Variants in CAPN13 observed in about 807,000 individuals in gnomAD.
CAPN13 encodes the protein calpain 13.
Under a neutral mutation model 98.4 loss-of-function variants are expected in CAPN13, and 90 were observed. The ratio of observed to expected loss-of-function variants is 0.92; its 90% CI spans 0.77 to 1.09. The LOEUF (loss-of-function observed/expected upper bound fraction) is 1.09. Among genes scored for constraint, CAPN13 ranks in the 50% least tolerant of loss-of-function variants. The probability of loss-of-function intolerance (pLI) is 0.00; values close to 1 mark genes in which losing one functional copy is unlikely to be tolerated. For synonymous variants in CAPN13, 330 were observed against 305.5 expected (o/e 1.08, Z -0.84); for missense variants, 887 against 841.3 (o/e 1.05, Z -0.67).
At chr2:30,804,431 G>A (rs1675483544) in intron 1 of CAPN13, among the ~76,000 whole-genome samples, 1 of 152,154 alleles carries the variant, frequency 6.6e-6, no homozygotes, top group Non-Finnish European at 1.5e-5. Context: ...TCGAACTCCT[G>A]ACCTCAGGCA....
At chr2:30,740,391 C>A (rs1671597617) in intron 15 of CAPN13, among the ~76,000 whole-genome samples, 2 of 152,210 alleles carry the variant, frequency 1.3e-5, no homozygotes, top group Admixed American at 6.5e-5. Context: ...CCGTGCCCGG[C>A]AACCATTGTA....
intron 6 of CAPN13, among the ~76,000 whole-genome samples, chr2:30,763,855 T>C (rs764690900): frequency 1.3e-5 from 2 of 152,242 alleles, no homozygotes; most frequent in Non-Finnish European, 2.9e-5. Context: ...CGCAGCAGCA[T>C]TGGAAGACTT....
intron 2 of CAPN13, among the ~76,000 whole-genome samples, chr2:30,778,689 G>C (rs1438707031): frequency 6.6e-6 from 1 of 152,192 alleles, no homozygotes; most frequent in Non-Finnish European, 1.5e-5. Flanking sequence ...ACACTAAGGG[G>C]AAAACGAAGG....
chr2:30,790,584 G>C (rs554158082), intron 1 of CAPN13, among the ~76,000 whole-genome samples: 4 of 152,208 alleles, frequency 2.6e-5, no homozygotes, highest in Non-Finnish European at 5.9e-5. Context: ...TGGTGTCTAC[G>C]AAACGAGCTT....
chr2:30,780,691 G>A (rs1399662044), intron 2 of CAPN13, among the ~76,000 whole-genome samples: 3 of 152,176 alleles, frequency 2.0e-5, no homozygotes, highest in Admixed American at 1.3e-4. Flanking sequence ...CATCAAAGGT[G>A]GGCACAAAAG....
At position 30,764,282 on chromosome 2, in the gene CAPN13, C is replaced by G. The variant is rs753166997; in HGVS notation, c.549G>C (p.Leu183=). 2.5e-5 allele frequency: 40 copies of G among 1,613,682 alleles called. No individual in the cohort carries two copies. Among genetic ancestry groups the G allele is most frequent in the Non-Finnish European group, 3.4e-5 (40 of 1,179,838 alleles). The change falls in exon 6 of 23, where the codon CTG becomes CTC. Residue 183 remains leucine (L), a synonymous_variant. Transcript: ENST00000295055. ...GGGCATCCTCGAGGAAGCCATAGTG[C>G]AGATCGGAATAGGATCCGAGCAGCC... ...YAKLLGSYSD[L]HYGFLEDALV...
At chr2:30,776,819 C>CCACAAA (rs1673721007) in intron 3 of CAPN13, among the ~76,000 whole-genome samples, 1 of 152,158 alleles carries the variant, frequency 6.6e-6, no homozygotes, top group Non-Finnish European at 1.5e-5. Context: ...AGTACAGAAG[C>CCACAAA]CACAAAGATG....
intron 7 of CAPN13, among the ~76,000 whole-genome samples, chr2:30,760,044 C>A (rs1247929073): frequency 6.6e-6 from 1 of 152,108 alleles, no homozygotes; most frequent in Non-Finnish European, 1.5e-5. Flanking sequence ...CCCTGTCTGC[C>A]CTACCCTAAG....
intron 21 of CAPN13, 136 bp from the exon 22 acceptor site, chr2:30,730,922 C>T (rs1671049781): frequency 2.9e-6 from 2 of 697,734 alleles, no homozygotes; most frequent in Non-Finnish European, 5.3e-6. Context: ...CCAACCCAAG[C>T]AGGGTACGGG....
chr2:30,796,214 ACATATATATGTATATATATATGTGTG>A (rs1438559805), intron 1 of CAPN13, among the ~76,000 whole-genome samples: 2 of 109,518 alleles, frequency 1.8e-5, no homozygotes, highest in Non-Finnish European at 4.2e-5. Context: ...ATATATATAC[ACATATATATGTATATATATATGTGTG>A]CATATATATA....
At position 30,730,930 on chromosome 2, in the gene CAPN13, G is replaced by A. The variant is rs538393830; in HGVS notation, c.1984-144C>T. 2.8e-4 allele frequency: 187 copies of A among 668,730 alleles called. No homozygotes were observed. The African/African-American group carries it at 3.0e-3, about 11-fold the overall frequency. 41.4% of individuals were successfully genotyped at this position (668,730 alleles called of 1,614,324 possible). On this transcript the variant is annotated intron_variant, in intron 21 of 22. Transcript: ENST00000295055. ...GCTAATTCCAACCCAAGCAGGGTAC[G>A]GGGCGGGGTTGTCTCACAGCACATC...
intron 3 of CAPN13, among the ~76,000 whole-genome samples, chr2:30,776,266 C>G (rs990694882): frequency 2.6e-5 from 4 of 152,176 alleles, no homozygotes; most frequent in African/African-American, 9.6e-5. Flanking sequence ...GAGTCTCGCT[C>G]TGTAGCCCAG....
chr2:30,726,113 G>A (rs148891485), intron 22 of CAPN13, among the ~76,000 whole-genome samples: 8 of 152,274 alleles, frequency 5.3e-5, no homozygotes, highest in East Asian at 1.9e-4. Context: ...TAGGTGTTTC[G>A]CTTTGTGCTA....
chr2:30,736,826 G>T (rs1439236384), intron 17 of CAPN13, among the ~76,000 whole-genome samples: 1 of 152,228 alleles, frequency 6.6e-6, no homozygotes, highest in Non-Finnish European at 1.5e-5. Flanking sequence ...GCATCTGAGG[G>T]AAGAGAGGGG....
At chr2:30,743,294 G>C (rs1045612016) in intron 13 of CAPN13, 89 bp downstream of exon 13, 4 of 1,151,340 alleles carry the variant, frequency 3.5e-6, no homozygotes, top group East Asian at 2.3e-5. Flanking sequence ...CAGGCTGCAC[G>C]AATGCACAGA....
At chr2:30,775,839 C>T (rs1055109392) in intron 4 of CAPN13, 91 bp downstream of exon 4, 2 of 793,456 alleles carry the variant, frequency 2.5e-6, no homozygotes, top group African/African-American at 3.5e-5. Flanking sequence ...TCATCTCAGG[C>T]TTCCCGGCCA....
rs374488271 is a variant in CAPN13 at position 30,753,013 on chromosome 2, G to C, written c.1087+40C>G. 11 of 1,609,636 alleles carry C rather than the reference G, an allele frequency of 6.8e-6. No homozygotes were observed. The African/African-American group carries it at 1.5e-4, about 21-fold the overall frequency. On this transcript the variant is annotated intron_variant, in intron 10 of 22. Transcript: ENST00000295055. ...TGCAAGGGCTGGGCTGGGGCAGCCA[G>C]CTTCCAGTTGGGCAGTGTGACCACC...
intron 1 of CAPN13, among the ~76,000 whole-genome samples, chr2:30,792,981 G>C (rs1520318): frequency 0.95 from 144,322 of 151,952 alleles, 68,608 homozygotes; most frequent in South Asian, 0.97. Flanking sequence ...GATAAAAACT[G>C]TTAGAAAACT....
chr2:30,803,545 G>A (rs1386570876), intron 1 of CAPN13, among the ~76,000 whole-genome samples: 1 of 152,138 alleles, frequency 6.6e-6, no homozygotes, highest in Non-Finnish European at 1.5e-5. Flanking sequence ...AATTTTAAAG[G>A]TCCCTTGGGA....
Sources: gnomAD v4.1 joint callset for allele counts (sites outside exome capture counted in the v4.1 genomes callset) on GRCh38, gnomAD v4.1.1 for gene constraint, MANE v1.5 for transcripts, NCBI Gene and HGNC (gene_info 2026-07-23, HGNC 2026-07-21) for gene names.